The following RCL1 variants were observed in gnomAD, a reference collection of about 807,000 sequenced individuals.
The protein encoded by RCL1 is RNA 3'-terminal phosphate cyclase-like protein.
RCL1 carries 24 observed loss-of-function variants against 42.4 expected under a neutral mutation model. That is an observed-to-expected ratio of 0.57 (90% CI 0.41 to 0.80). The LOEUF (loss-of-function observed/expected upper bound fraction) is 0.80. Among genes scored for constraint, RCL1 ranks in the 30% least tolerant of loss-of-function variants. The probability of loss-of-function intolerance (pLI) is 0.00; values close to 1 mark genes in which losing one functional copy is unlikely to be tolerated. For missense variants in RCL1, 578 were observed against 467.9 expected, an observed-to-expected ratio of 1.24 and a Z score of -2.17; for synonymous variants, 228 against 177.3, an observed-to-expected ratio of 1.29 and a Z score of -2.27.
chr9:4,810,783 G>A (rs1005415956), intron 1 of RCL1, among the ~76,000 whole-genome samples: 21 of 152,222 alleles, frequency 1.4e-4, no homozygotes, highest in Non-Finnish European at 2.5e-4. Context: ...TCAGCACTTG[G>A]TATTGCCAGT....
At chr9:4,846,798 C>A (rs1022992899) in intron 7 of RCL1, among the ~76,000 whole-genome samples, 1 of 152,152 alleles carries the variant, frequency 6.6e-6, no homozygotes, top group Non-Finnish European at 1.5e-5. Flanking sequence ...GGGTTTATAT[C>A]CCTATAAATA....
chr9:4,849,365 A>G (rs1294764516), intron 7 of RCL1, 82 bp from the exon 8 acceptor site: 2 of 982,270 alleles, frequency 2.0e-6, no homozygotes, highest in East Asian at 4.9e-5. Context: ...TTATGAGTGT[A>G]TGTTTCTGGT....
intron 7 of RCL1, among the ~76,000 whole-genome samples, 167 bp from the exon 8 acceptor site, chr9:4,849,280 A>T (rs922972857): frequency 4.6e-5 from 7 of 151,856 alleles, no homozygotes; most frequent in African/African-American, 1.5e-4. Context: ...AACCCTCTAC[A>T]GTTAGTTGAT....
Position 4,844,529 on chromosome 9 carries a change from C to T in RCL1, c.715C>T (p.Pro239Ser). The change falls in exon 7 of 9, where the codon CCG becomes TCG. Residue 239 changes from proline to serine, a missense_variant. Physicochemically the swap from Pro to Ser is moderately conservative, Grantham distance 74. Transcript: ENST00000381750. The part of the protein sequence containing the change: ...HMKGVNSGKS[P>S]GFGLSLVAET... ...TTTGTGCCTTTGTATCTCCAGGTCT[C>T]CGGGCTTTGGGTTGTCACTGGTTGC... 6.2e-7 allele frequency: 1 copy of T among 1,610,876 alleles called. No homozygotes were observed. Among genetic ancestry groups the T allele is most frequent in the East Asian group, 2.2e-5 (1 of 44,764 alleles).
At chr9:4,859,393 T>C (rs1237144507) in intron 8 of RCL1, among the ~76,000 whole-genome samples, 1 of 152,226 alleles carries the variant, frequency 6.6e-6, no homozygotes, top group Non-Finnish European at 1.5e-5. Flanking sequence ...AATTAATTTA[T>C]TTATCTAGTC....
intron 8 of RCL1, among the ~76,000 whole-genome samples, chr9:4,855,644 T>C (rs1263535917): frequency 6.6e-6 from 1 of 152,168 alleles, no homozygotes; most frequent in East Asian, 1.9e-4. Context: ...TGTGGTTTTT[T>C]TTCAGGTTGT....
chr9:4,820,226 G>A (rs961183933), intron 1 of RCL1, among the ~76,000 whole-genome samples: 4 of 152,228 alleles, frequency 2.6e-5, no homozygotes, highest in African/African-American at 9.6e-5. Context: ...AAGAAGAGGA[G>A]TCAGCAGGGT....
chr9:4,841,442 T>C, intron 6 of RCL1, 85 bp downstream of exon 6: 1 of 1,059,520 alleles, frequency 9.4e-7, no homozygotes, highest in Non-Finnish European at 1.4e-6. Context: ...AGCTCTGAGG[T>C]TGCGCAGCCA....
chr9:4,816,679 G>A (rs1816389723), intron 1 of RCL1, among the ~76,000 whole-genome samples: 1 of 152,072 alleles, frequency 6.6e-6, no homozygotes, highest in Non-Finnish European at 1.5e-5. Context: ...CATACTTTCT[G>A]AGATGTTATT....
chr9:4,807,327 T>A (rs1238208955), intron 1 of RCL1, among the ~76,000 whole-genome samples: 1 of 152,204 alleles, frequency 6.6e-6, no homozygotes, highest in East Asian at 1.9e-4. Flanking sequence ...TTTTTCTAAG[T>A]GTTTGAGGTG....
chr9:4,793,300 C>T (rs1842861142), intron 1 of RCL1, 73 bp downstream of exon 1: 1 of 1,488,486 alleles, frequency 6.7e-7, no homozygotes, highest in Non-Finnish European at 9.0e-7. Flanking sequence ...CGTGGGGGCC[C>T]GCGCGGTGTT....
chr9:4,837,737 G>A (rs955993081), intron 5 of RCL1, among the ~76,000 whole-genome samples: 15 of 152,284 alleles, frequency 9.9e-5, no homozygotes, highest in Non-Finnish European at 1.8e-4. Context: ...CACCTTGGGT[G>A]TAACTATGTT....
intron 1 of RCL1, among the ~76,000 whole-genome samples, chr9:4,820,797 G>T (rs929713039): frequency 2.6e-5 from 4 of 152,150 alleles, no homozygotes; most frequent in Admixed American, 1.3e-4. Flanking sequence ...ATGTTAAAAA[G>T]ATCGTAGAAA....
rs148364196 is a variant in RCL1 at position 4,860,139 on chromosome 9, G to A, written c.986G>A (p.Arg329Gln). The A allele has an allele frequency of 4.7e-4, 730 of 1,565,628 alleles. 1 individual carries two copies. The African/African-American group carries it at 7.9e-3, about 17-fold the overall frequency. ...TTCCTTTTTAGGATAGAATTTTTGC[G>A]GCATTTGAAGAGCTTTTTCCAGATT... is the stretch of plus-strand genomic sequence containing the variant. ...PLSPYTIEFL[R>Q]HLKSFFQIMF... Residue 329 changes from arginine to glutamine, a missense_variant, in exon 9 of 9, where the codon CGG becomes CAG. By Grantham distance (43) the Arg-to-Gln change is conservative (BLOSUM62 1). Transcript: ENST00000381750.
At chr9:4,800,671 G>A (rs1290063149) in intron 1 of RCL1, among the ~76,000 whole-genome samples, 3 of 49,274 alleles carry the variant, frequency 6.1e-5, no homozygotes, top group Non-Finnish European at 1.2e-4. Context: ...TTTTTTTTTT[G>A]AGATGGAATC....
At chr9:4,846,266 T>C (rs1817509463) in intron 7 of RCL1, among the ~76,000 whole-genome samples, 1 of 152,210 alleles carries the variant, frequency 6.6e-6, no homozygotes, top group Admixed American at 6.5e-5. Context: ...TAATTAAAAA[T>C]GGAAGACAGT....
chr9:4,843,334 T>C (rs1321469724), intron 6 of RCL1, among the ~76,000 whole-genome samples: 1 of 152,178 alleles, frequency 6.6e-6, no homozygotes, highest in Non-Finnish European at 1.5e-5. Flanking sequence ...TTGGCCAGAA[T>C]GCACATCAGT....
chr9:4,844,601 C>A lies in RCL1; in HGVS notation c.787C>A (p.Pro263Thr). 1.2e-6 allele frequency: 2 copies of A among 1,614,066 alleles called. No individual in the cohort carries two copies. The highest frequency in any genetic ancestry group is 1.7e-6 in the Non-Finnish European group (2 of 1,179,956). ...TFLSAELASN[P>T]QGQGAAVLPE... ...CCTCAGTGCTGAACTGGCCTCCAAC[C>A]CCCAGGGCCAGGGAGCAGCAGTACT... Residue 263 changes from proline to threonine, a missense_variant, in exon 7 of 9, where the codon CCC (proline) becomes ACC (threonine). Physicochemically the swap from Pro to Thr is conservative, Grantham distance 38. Transcript: ENST00000381750.
chr9:4,846,894 C>CTTTTTTCTTTTTTTTT (rs57427254), intron 7 of RCL1, among the ~76,000 whole-genome samples: 5 of 148,606 alleles, frequency 3.4e-5, no homozygotes, highest in African/African-American at 1.2e-4. Context: ...TAATATTTTT[C>CTTTTTTCTTTTTTTTT]TTTTTTTTTT....
Sources: allele counts gnomAD v4.1 joint callset (sites outside exome capture counted in the v4.1 genomes callset), GRCh38; gene constraint gnomAD v4.1.1; transcripts MANE v1.5; gene names NCBI Gene and HGNC (gene_info 2026-07-23, HGNC 2026-07-21).